PARP3: variants seen among roughly 807,000 people sequenced by gnomAD.
PARP3 encodes protein mono-ADP-ribosyltransferase PARP3.
In PARP3, 46 loss-of-function variants were observed where a neutral mutation model predicts 58.2. That is an observed-to-expected ratio of 0.79 (90% confidence interval 0.62 to 1.01). PARP3 has a LOEUF of 1.01. PARP3 is among the 50% of genes least tolerant of loss of function. The probability of loss-of-function intolerance (pLI) is 0.00; values close to 1 mark genes in which losing one functional copy is unlikely to be tolerated. For missense variants in PARP3, 663 were observed against 683.9 expected (o/e 0.97, Z 0.34); for synonymous variants, 252 against 266.4 (o/e 0.95, Z 0.53).
chr3:51,944,037 G>A lies in PARP3; in HGVS notation c.184-52G>A. The A allele has an allele frequency of 6.3e-7, 1 of 1,581,560 alleles. No homozygotes were observed. Among genetic ancestry groups the A allele is most frequent in the Non-Finnish European group, 8.6e-7 (1 of 1,160,944 alleles). On this transcript the variant is annotated intron_variant, in intron 2 of 10. Transcript: ENST00000398755. The surrounding 1 kb of genome is among the most constrained non-coding windows in gnomAD (Gnocchi z 4.2). ...TCAGAGCCCTCTCGGTGTACGGCCA[G>A]GCACCCCATCTGACCCCAGCCAGCC...
chr3:51,942,810 TC>T (rs1699576340), intron 1 of PARP3, 102 bp downstream of exon 1: 17 of 1,495,590 alleles, frequency 1.1e-5, no homozygotes, highest in Non-Finnish European at 1.4e-5. Flanking sequence ...GAGTTCTGGC[TC>T]CTCAGAACTC....
chr3:51,948,432 C>T lies in PARP3; in HGVS notation c.1554C>T (p.Tyr518=), dbSNP rs1699731559. 1.9e-6 allele frequency: 3 copies of T among 1,614,170 alleles called. No individual in the cohort carries two copies. Among genetic ancestry groups the T allele is most frequent in the Non-Finnish European group, 2.5e-6 (3 of 1,180,004 alleles). ...STFSQSEYLI[Y]QESQCRLRYL... ...TCTCCCAGAGCGAGTACCTCATCTA[C>T]CAGGAGAGCCAGTGTCGCCTGCGCT... is the stretch of plus-strand genomic sequence containing the variant. Residue 518 remains tyrosine (Y), a synonymous_variant, in exon 11 of 11, where the codon TAC becomes TAT. Coordinates refer to ENST00000398755, the MANE Select transcript of PARP3 (RefSeq NM_001003931.4).
Position 51,945,601 on chromosome 3 carries a change from A to C in PARP3, c.968A>C (p.Lys323Thr). The C allele has an allele frequency of 6.2e-7, 1 of 1,613,958 alleles. No homozygotes were observed. The highest frequency in any genetic ancestry group is 1.1e-5 in the South Asian group (1 of 91,070). The change falls in exon 7 of 11, where the codon AAG (lysine) becomes ACG (threonine). Residue 323 changes from lysine (K) to threonine (T), a missense_variant. Lys to Thr is a moderately conservative substitution (Grantham distance 78, BLOSUM62 -1). Around this residue, in one of 3 missense-constraint regions of PARP3, gnomAD observed 567 missense variants for 553.6 expected, o/e 1.02. Coordinates refer to ENST00000398755, the MANE Select transcript of PARP3 (RefSeq NM_001003931.4). ...HPLDRDYQLL[K>T]CQLQLLDSGA... The stretch of plus-strand genomic sequence containing the variant: ...CTGGACCGAGACTACCAGCTTCTCA[A>C]GTGCCAGCTGCAGCTGCTAGACTCT...
rs1699743141 is a variant in PARP3 at position 51,948,843 on chromosome 3, A to G, written c.*363A>G. ...ACCGGGTTCACCCATGTTTTCATAA[A>G]TGACAAGATTTCCTCCTTTTTTAAG... On this transcript the variant is annotated 3_prime_UTR_variant, in exon 11 of 11. Transcript: ENST00000398755. The G allele has an allele frequency of 1.1e-5, 3 of 280,478 alleles. No individual in the cohort carries two copies. The highest frequency in any genetic ancestry group is 2.0e-5 in the Non-Finnish European group (3 of 148,796). 17.4% of individuals were successfully genotyped at this position (280,478 alleles called of 1,614,324 possible).
rs1202624416 is a variant in PARP3, at chr3:51,943,553, C to T, written c.183+15C>T. On this transcript the variant is annotated intron_variant, in intron 2 of 10. Coordinates refer to ENST00000398755, the MANE Select transcript of PARP3 (RefSeq NM_001003931.4). ...CCGGGACCCAGGTGAGCTGCAGTCC[C>T]CAGTCAGGCCCAGAGCCTGCCCACT... 6.3e-7 allele frequency: 1 copy of T among 1,599,370 alleles called. No homozygotes were observed. The highest frequency in any genetic ancestry group is 1.1e-5 in the South Asian group (1 of 88,916).
chr3:51,948,209 C>T (rs913115032), intron 10 of PARP3, 102 bp from the exon 11 acceptor site: 22 of 1,202,614 alleles, frequency 1.8e-5, no homozygotes, highest in Middle Eastern at 2.9e-4. Flanking sequence ...AATGAGCAGG[C>T]GTGCCCTGTG....
In PARP3 at chr3:51,943,495, G is replaced by A. The variant is rs781073336; in HGVS notation, c.140G>A (p.Arg47His). The change falls in exon 2 of 11, where the codon CGC (arginine) becomes CAC (histidine). Residue 47 changes from arginine to histidine, a missense_variant. Physicochemically the swap from Arg to His is conservative, Grantham distance 29. This residue lies in a region of PARP3 where 567 missense variants were observed against 553.6 expected (regional missense o/e 1.02). Transcript: ENST00000398755. ...KAIPAEKRII[R>H]VDPTCPLSSN... is the part of the protein sequence containing the mutation. ...ATACCCGCAGAGAAGCGCATAATCCGCGTGGATCCAACATGTCCACTCAGC... is the reference window on the plus strand; with the variant it reads ...ATACCCGCAGAGAAGCGCATAATCCACGTGGATCCAACATGTCCACTCAGC... 40 of 1,611,004 alleles carry A rather than the reference G, an allele frequency of 2.5e-5. No individual in the cohort carries two copies. Among genetic ancestry groups the A allele is most frequent in the Middle Eastern group, 1.7e-4 (1 of 6,050 alleles).
chr3:51,944,943 G>A lies in PARP3; in HGVS notation c.634+33G>A. On this transcript the variant is annotated intron_variant, in intron 5 of 10. Transcript: ENST00000398755. The surrounding 1 kb of genome is among the most constrained non-coding windows in gnomAD (Gnocchi z 4.2). Reference sequence around the variant, plus strand: ...GTGAGAGGCAGGCAGGGTGGCAGGGGCCTCAGGGTGGCAGGGCTGTGGGGC... The same window carrying A: ...GTGAGAGGCAGGCAGGGTGGCAGGGACCTCAGGGTGGCAGGGCTGTGGGGC... 1.2e-6 allele frequency: 2 copies of A among 1,612,916 alleles called. No homozygotes were observed. Among genetic ancestry groups the A allele is most frequent in the Non-Finnish European group, 1.7e-6 (2 of 1,179,564 alleles).
rs1361333430 is a variant in PARP3 at position 51,946,195 on chromosome 3, G to A, written c.1128G>A (p.Leu376=). The part of the protein sequence containing the change: ...EEDRFQAHSK[L]GNRKLLWHGT... ...ACAGATTCCAGGCCCACTCCAAACT[G>A]GGTAATCGGAAGCTGCTGTGGCATG... is the stretch of plus-strand genomic sequence containing the variant. Residue 376 remains leucine (L), a synonymous_variant, in exon 9 of 11, where the codon CTG becomes CTA. Transcript: ENST00000398755. This position sits in a 1 kb window ranked among gnomAD's most constrained non-coding sequence, Gnocchi z 4.6. The A allele has an allele frequency of 1.2e-6, 2 of 1,609,532 alleles. No individual in the cohort carries two copies. The highest frequency in any genetic ancestry group is 8.5e-7 in the Non-Finnish European group (1 of 1,177,414).
In PARP3 at chr3:51,942,706, T is replaced by C; in HGVS notation, c.-5T>C. 1 of 1,559,196 alleles carries C rather than the reference T, an allele frequency of 6.4e-7. No individual in the cohort carries two copies. Among genetic ancestry groups the C allele is most frequent in the Non-Finnish European group, 8.7e-7 (1 of 1,150,272 alleles). On this transcript the variant is annotated splice_region_variant and 5_prime_UTR_variant, in exon 1 of 11. Transcript: ENST00000398755. ...ACCTCTCCCATGTCCCTGCTTTTCTTGGGTGAGTGTCCTATGGTCCTGCCC... is the reference window on the plus strand; with the variant it reads ...ACCTCTCCCATGTCCCTGCTTTTCTCGGGTGAGTGTCCTATGGTCCTGCCC...
chr3:51,944,915 G>A lies in PARP3; in HGVS notation c.634+5G>A. On this transcript the variant is annotated splice_donor_5th_base_variant and intron_variant, in intron 5 of 10. Transcript: ENST00000398755. This position sits in a 1 kb window ranked among gnomAD's most constrained non-coding sequence, Gnocchi z 4.2. Reference sequence around the variant, plus strand: ...CCATGGCCCTCATGGACCTGGGTGAGGGGTGAGAGGCAGGCAGGGTGGCAG... The same window carrying A: ...CCATGGCCCTCATGGACCTGGGTGAAGGGTGAGAGGCAGGCAGGGTGGCAG... The A allele has an allele frequency of 6.2e-7, 1 of 1,613,872 alleles. No individual in the cohort carries two copies. Among genetic ancestry groups the A allele is most frequent in the Non-Finnish European group, 8.5e-7 (1 of 1,179,996 alleles).
Position 51,947,900 on chromosome 3 carries a change from G to A in PARP3, c.1432+5G>A. 6.2e-7 allele frequency: 1 copy of A among 1,613,668 alleles called. No individual in the cohort carries two copies. Among genetic ancestry groups the A allele is most frequent in the Non-Finnish European group, 8.5e-7 (1 of 1,179,986 alleles). The stretch of plus-strand genomic sequence containing the variant: ...CCCGAGGCCACACCGAGCCTGGTGA[G>A]TCCTCAGAAGCTGTACAGCCCAAGG... On this transcript the variant is annotated splice_donor_5th_base_variant and intron_variant, in intron 10 of 10. Coordinates refer to ENST00000398755, the MANE Select transcript of PARP3 (RefSeq NM_001003931.4).
intron 7 of PARP3, 88 bp downstream of exon 7, chr3:51,945,732 C>T (rs1477538517): frequency 6.5e-7 from 1 of 1,536,120 alleles, no homozygotes; most frequent in Non-Finnish European, 9.0e-7. Flanking sequence ...GGAATACTCG[C>T]CCTCAGCCTT....
In PARP3 at chr3:51,942,435, CT is replaced by C; in HGVS notation, c.-274del. ...GCGCTACGGACGCGACTGCCCCGGC[CT>C]TGGATATGCCAGATCGAGTGTCCAC... On this transcript the variant is annotated 5_prime_UTR_variant, in exon 1 of 11. An upstream open reading frame in the 5' UTR loses its in-frame stop. Transcript: ENST00000398755. The C allele has an allele frequency of 1.7e-6, 1 of 597,658 alleles. No homozygotes were observed. The highest frequency in any genetic ancestry group is 2.8e-5 in the East Asian group (1 of 35,088). The allele number at this position is 597,658 out of a possible 1,614,324, so 37.0% of individuals were successfully genotyped here. A position where few individuals can be genotyped will look rare whatever the true frequency, so the allele number is the denominator to read the frequency against.
chr3:51,943,641 C>A, intron 2 of PARP3, 103 bp downstream of exon 2: 3 of 1,093,652 alleles, frequency 2.7e-6, no homozygotes, highest in South Asian at 2.8e-5. Flanking sequence ...GAGCCCAAGG[C>A]CCCCAGGTAA....
At chr3:51,942,809 C>A in intron 1 of PARP3, 101 bp downstream of exon 1, 1 of 1,495,370 alleles carries the variant, frequency 6.7e-7, no homozygotes, top group South Asian at 1.3e-5. Context: ...GGAGTTCTGG[C>A]TCCTCAGAAC....
In PARP3 at chr3:51,948,364, C is replaced by G; in HGVS notation, c.1486C>G (p.Gln496Glu). The G allele has an allele frequency of 6.2e-7, 1 of 1,614,052 alleles. No homozygotes were observed. Among genetic ancestry groups the G allele is most frequent in the Non-Finnish European group, 8.5e-7 (1 of 1,179,898 alleles). Residue 496 changes from glutamine to glutamate, a missense_variant, in exon 11 of 11, where the codon CAG (glutamine) becomes GAG (glutamate). By Grantham distance (29) the Gln-to-Glu change is conservative. Around this residue, in one of 3 missense-constraint regions of PARP3, gnomAD observed 88 missense variants for 109.1 expected, o/e 0.81. Coordinates refer to ENST00000398755, the MANE Select transcript of PARP3 (RefSeq NM_001003931.4). ...GGATGGCCAGCAAGTGGTGGTGCCCCAGGGCCAGCCTGTGCCCTGCCCAGA... is the reference window on the plus strand; with the variant it reads ...GGATGGCCAGCAAGTGGTGGTGCCCGAGGGCCAGCCTGTGCCCTGCCCAGA... ...ELDGQQVVVPQGQPVPCPEFS... is the reference protein window; with the variant it reads ...ELDGQQVVVPEGQPVPCPEFS...
chr3:51,945,221 G>A lies in PARP3; in HGVS notation c.858G>A (p.Leu286=), dbSNP rs376941386. Residue 286 remains leucine (L), a synonymous_variant, in exon 6 of 11, where the codon CTG becomes CTA. Coordinates refer to ENST00000398755, the MANE Select transcript of PARP3 (RefSeq NM_001003931.4). ...PELLQAKKDM[L]LVLADIELAQ... is the part of the protein sequence containing the mutation. ...TTCTGCAGGCCAAGAAGGACATGCT[G>A]CTGGTGAGGGCTGGCAGGGGTGCGG... 2 of 1,613,166 alleles carry A rather than the reference G, an allele frequency of 1.2e-6. No individual in the cohort carries two copies. The highest frequency in any genetic ancestry group is 1.7e-6 in the Non-Finnish European group (2 of 1,179,606).
chr3:51,944,249 C>A lies in PARP3; in HGVS notation c.312+32C>A. On this transcript the variant is annotated intron_variant, in intron 3 of 10. Transcript: ENST00000398755. This position sits in a 1 kb window ranked among gnomAD's most constrained non-coding sequence, Gnocchi z 4.2. ...GCCCTGCCTGCTCTGCACATACTCC[C>A]CAGGGTCCTCAAAAGGCCACAGCTA... 6.2e-7 allele frequency: 1 copy of A among 1,613,278 alleles called. No individual in the cohort carries two copies. The highest frequency in any genetic ancestry group is 8.5e-7 in the Non-Finnish European group (1 of 1,179,618).
Sources: allele counts gnomAD v4.1 joint callset, GRCh38; gene constraint gnomAD v4.1.1; regional missense constraint gnomAD v4.1.1; non-coding constraint Gnocchi (gnomAD v3.1); transcripts MANE v1.5; gene names NCBI Gene and HGNC (gene_info 2026-07-23, HGNC 2026-07-21).